The following MYO1B variants were observed in gnomAD, a reference collection of about 807,000 sequenced individuals.
The protein encoded by MYO1B is unconventional myosin-Ib.
A neutral mutation model predicts 159.7 loss-of-function variants in MYO1B; 72 were observed. That is an observed-to-expected ratio of 0.45 (90% CI 0.37 to 0.55). The LOEUF (loss-of-function observed/expected upper bound fraction) is 0.55. Among genes scored for constraint, MYO1B ranks in the 20% least tolerant of loss-of-function variants. MYO1B has a pLI of 0.00. For synonymous variants in MYO1B, 468 were observed against 473.8 expected (o/e 0.99, Z 0.16); for missense variants, 1,062 against 1,364.8 (o/e 0.78, Z 3.50).
In MYO1B at chr2:191,364,264, G is replaced by A. The variant is rs763686146; in HGVS notation, c.1020G>A (p.Leu340=). Residue 340 remains leucine (L), a synonymous_variant, in exon 11 of 31, where the codon CTG becomes CTA. Coordinates refer to ENST00000392318, the MANE Select transcript of MYO1B (RefSeq NM_001130158.3). The part of the protein sequence containing the change: ...EAKQEKVSTT[L]NVAQAYYARD... ...AACAGGAGAAAGTTTCAACTACACT[G>A]AATGTGGCTCAGGTGGGTGAAACAT... is the stretch of plus-strand genomic sequence containing the variant. The A allele has an allele frequency of 1.8e-5, 29 of 1,612,936 alleles. No homozygotes were observed. The South Asian group carries it at 2.6e-4, about 15-fold the overall frequency.
At chr2:191,374,381 C>T (rs756744742) in intron 13 of MYO1B, among the ~76,000 whole-genome samples, 4 of 152,148 alleles carry the variant, frequency 2.6e-5, no homozygotes, top group African/African-American at 4.8e-5. Context: ...ATTAAGAGTT[C>T]TGCCTTTTAG....
intron 13 of MYO1B, among the ~76,000 whole-genome samples, chr2:191,375,199 G>C (rs1449410702): frequency 6.6e-6 from 1 of 152,160 alleles, no homozygotes; most frequent in Admixed American, 6.5e-5. Context: ...TATATGGTAA[G>C]AGTATGATAG....
At chr2:191,375,157 T>A (rs1415700075) in intron 13 of MYO1B, among the ~76,000 whole-genome samples, 2 of 152,218 alleles carry the variant, frequency 1.3e-5, no homozygotes, top group Admixed American at 1.3e-4. Flanking sequence ...CTTATTTATC[T>A]TGCCCTCATA....
rs761029619 is a variant in MYO1B, at chr2:191,392,223, A to T, written c.2076+22A>T. ...AACAGTATGTAACGAAAACCTTTAC[A>T]CTCTGAACTTAAGTTGGAATCGTAT... On this transcript the variant is annotated intron_variant, in intron 19 of 30. Transcript: ENST00000392318. The T allele has an allele frequency of 4.6e-6, 7 of 1,535,746 alleles. No individual in the cohort carries two copies. In the African/African-American group the frequency reaches 8.2e-5, roughly 18 times the overall value.
At chr2:191,295,120 C>T (rs919601861) in intron 2 of MYO1B, among the ~76,000 whole-genome samples, 4 of 152,122 alleles carry the variant, frequency 2.6e-5, no homozygotes, top group African/African-American at 9.7e-5. Context: ...TATCGCTCAT[C>T]ACTTTATCAC....
intron 29 of MYO1B, among the ~76,000 whole-genome samples, chr2:191,415,744 A>G (rs971807948): frequency 6.6e-6 from 1 of 152,154 alleles, no homozygotes; most frequent in African/African-American, 2.4e-5. Context: ...CCTTCAGAAG[A>G]GTTGCGGGAT....
intron 27 of MYO1B, among the ~76,000 whole-genome samples, chr2:191,412,602 G>T (rs1299833309): frequency 1.3e-5 from 2 of 152,192 alleles, no homozygotes; most frequent in Admixed American, 1.3e-4. Context: ...GTGAAACGCT[G>T]ACCACCTACG....
intron 1 of MYO1B, among the ~76,000 whole-genome samples, chr2:191,251,053 A>T (rs1000034834): frequency 2.0e-5 from 3 of 152,124 alleles, no homozygotes; most frequent in African/African-American, 7.2e-5. Context: ...ACTGCTTCTC[A>T]GTTTATCCTT....
At chr2:191,288,537 C>G (rs1451314479) in intron 2 of MYO1B, among the ~76,000 whole-genome samples, 1 of 152,126 alleles carries the variant, frequency 6.6e-6, no homozygotes, top group African/African-American at 2.4e-5. Flanking sequence ...GAGAAGTTAA[C>G]TCTTAAATTT....
At chr2:191,381,931 A>G (rs1261252093) in intron 14 of MYO1B, among the ~76,000 whole-genome samples, 1 of 152,338 alleles carries the variant, frequency 6.6e-6, no homozygotes, top group East Asian at 1.9e-4. Flanking sequence ...TCAATATCAA[A>G]AAGTATTGAG....
At chr2:191,317,837 A>G (rs1262347898) in intron 3 of MYO1B, among the ~76,000 whole-genome samples, 1 of 152,212 alleles carries the variant, frequency 6.6e-6, no homozygotes, top group Non-Finnish European at 1.5e-5. Context: ...GCTCTTTGTA[A>G]GCATATGAAT....
At chr2:191,318,133 TACAC>T (rs999676872) in intron 3 of MYO1B, among the ~76,000 whole-genome samples, 2 of 152,128 alleles carry the variant, frequency 1.3e-5, no homozygotes, top group African/African-American at 2.4e-5. Flanking sequence ...CACAACATAT[TACAC>T]ACCATATTAC....
chr2:191,377,596 A>C (rs1404686666), intron 13 of MYO1B: 1 of 152,192 alleles, frequency 6.6e-6, no homozygotes, highest in Non-Finnish European at 1.5e-5. Flanking sequence ...GTCTCAGTTT[A>C]GCTATTTTAT....
chr2:191,331,523 T>TA (rs1003381885), intron 4 of MYO1B, among the ~76,000 whole-genome samples: 1 of 152,216 alleles, frequency 6.6e-6, no homozygotes, highest in African/African-American at 2.4e-5. Context: ...GACAATCACT[T>TA]AGTTATTTGA....
intron 4 of MYO1B, among the ~76,000 whole-genome samples, chr2:191,337,990 A>G (rs941823217): frequency 6.6e-6 from 1 of 152,198 alleles, no homozygotes; most frequent in Non-Finnish European, 1.5e-5. Context: ...TGAGGTAACT[A>G]TTATTTCCAG....
chr2:191,305,128 A>G (rs966100802), intron 3 of MYO1B, among the ~76,000 whole-genome samples: 3 of 152,216 alleles, frequency 2.0e-5, no homozygotes, highest in Non-Finnish European at 4.4e-5. Flanking sequence ...AGAGAGCCAC[A>G]GTTGGAACCC....
chr2:191,369,550 T>C lies in MYO1B; in HGVS notation c.1041T>C (p.Tyr347=). ...TGTTTGTTTTTTAATAGGCTTATTA[T>C]GCCCGTGATGCTCTGGCTAAAAACC... ...STTLNVAQAY[Y]ARDALAKNLY... Residue 347 remains tyrosine (Y), a synonymous_variant, in exon 12 of 31, where the codon TAT becomes TAC. Coordinates refer to ENST00000392318, the MANE Select transcript of MYO1B (RefSeq NM_001130158.3). 3 of 1,613,106 alleles carry C rather than the reference T, an allele frequency of 1.9e-6. No individual in the cohort carries two copies. The highest frequency in any genetic ancestry group is 2.5e-6 in the Non-Finnish European group (3 of 1,179,292).
chr2:191,285,027 C>G (rs958489630), intron 2 of MYO1B, among the ~76,000 whole-genome samples: 4 of 152,148 alleles, frequency 2.6e-5, no homozygotes, highest in African/African-American at 9.7e-5. Context: ...ATAGCAGTTC[C>G]TGTGTTTCAT....
At chr2:191,278,872 C>A (rs749196012) in intron 2 of MYO1B, among the ~76,000 whole-genome samples, 23 of 152,192 alleles carry the variant, frequency 1.5e-4, no homozygotes, top group Non-Finnish European at 2.8e-4. Flanking sequence ...TAGGCAGAAT[C>A]AATTATATTG....
Sources: allele counts gnomAD v4.1 joint callset (sites outside exome capture counted in the v4.1 genomes callset), GRCh38; gene constraint gnomAD v4.1.1; transcripts MANE v1.5; gene names NCBI Gene and HGNC (gene_info 2026-07-23, HGNC 2026-07-21).